PITPNB: variants seen among roughly 807,000 people sequenced by gnomAD.
The protein encoded by PITPNB is phosphatidylinositol transfer protein beta, also known as phosphatidylinositol transfer protein beta isoform.
PITPNB carries 16 observed loss-of-function variants against 45.9 expected under a neutral mutation model. That is an observed-to-expected ratio of 0.35 (90% confidence interval 0.24 to 0.53). The LOEUF (loss-of-function observed/expected upper bound fraction) is 0.53, where lower values mean the gene tolerates loss of function less well. PITPNB is among the 20% of genes least tolerant of loss of function. The pLI is 0.93. For synonymous variants in PITPNB, 112 were observed against 108.9 expected, an observed-to-expected ratio of 1.03 and a Z score of -0.18; for missense variants, 188 against 330.5, an observed-to-expected ratio of 0.57 and a Z score of 3.34.
intron 7 of PITPNB, among the ~76,000 whole-genome samples, chr22:27,880,440 C>T (rs907807307): frequency 1.3e-5 from 2 of 152,154 alleles, no homozygotes; most frequent in Admixed American, 6.6e-5. Flanking sequence ...AAAACATTTT[C>T]TGACTCTCAG....
At chr22:27,897,181 C>G in intron 4 of PITPNB, 44 bp from the exon 5 acceptor site, 1 of 1,402,152 alleles carries the variant, frequency 7.1e-7, no homozygotes, top group Non-Finnish European at 1.0e-6. Context: ...AGAAAAATTT[C>G]AGAATATTAA....
chr22:27,912,228 G>A (rs1935947479), intron 2 of PITPNB, among the ~76,000 whole-genome samples: 1 of 152,186 alleles, frequency 6.6e-6, no homozygotes, highest in South Asian at 2.1e-4. Context: ...ATGGAGATAT[G>A]ATGCTATCTT....
At position 27,852,740 on chromosome 22, in the gene PITPNB, T is replaced by C. The variant is rs977712754; in HGVS notation, c.*962A>G. ...AAGCTGTAGTTACAGAAAACTGTCATCTTCAAAACAAGACTCCATGAAGTG... is the reference window on the plus strand; with the variant it reads ...AAGCTGTAGTTACAGAAAACTGTCACCTTCAAAACAAGACTCCATGAAGTG... On this transcript the variant is annotated 3_prime_UTR_variant, in exon 12 of 12. Coordinates refer to ENST00000335272, the MANE Select transcript of PITPNB (RefSeq NM_012399.5). 4 of 152,742 alleles carry C rather than the reference T, an allele frequency of 2.6e-5. No homozygotes were observed. The highest frequency in any genetic ancestry group is 7.2e-5 in the African/African-American group (3 of 41,570). The allele number at this position is 152,742 out of a possible 1,614,324, so 9.5% of individuals were successfully genotyped here.
chr22:27,854,447 G>C (rs2146342173), intron 11 of PITPNB, among the ~76,000 whole-genome samples: 1 of 152,314 alleles, frequency 6.6e-6, no homozygotes, highest in South Asian at 2.1e-4. Context: ...ATTGAGGTTG[G>C]CTCGTATGGT....
At chr22:27,882,558 C>G (rs1285249431) in intron 7 of PITPNB, among the ~76,000 whole-genome samples, 1 of 152,204 alleles carries the variant, frequency 6.6e-6, no homozygotes, top group African/African-American at 2.4e-5. Context: ...AAAGATTAAC[C>G]TGAGACTTCT....
intron 3 of PITPNB, among the ~76,000 whole-genome samples, chr22:27,906,851 T>TAAC (rs1383811967): frequency 1.3e-5 from 2 of 152,176 alleles, no homozygotes; most frequent in African/African-American, 4.8e-5. Flanking sequence ...GTGCAATGAG[T>TAAC]AACCAACTTT....
chr22:27,901,609 C>T (rs376291898), intron 3 of PITPNB, among the ~76,000 whole-genome samples: 1 of 152,152 alleles, frequency 6.6e-6, no homozygotes, highest in Admixed American at 6.5e-5. Context: ...GGGCCAGGTG[C>T]GGTGGCTCAC....
In PITPNB at chr22:27,899,929, G is replaced by C. The variant is rs2003690; in HGVS notation, c.198-2037C>G. Among the ~76,000 whole-genome samples the C allele has an allele frequency of 8.1e-4, 123 of 152,230 alleles. 1 individual carries two copies. The South Asian group carries it at 0.024, about 30-fold the overall frequency. ...TTAGAAAAAGCAGGAGAGGCCAGGC[G>C]TGGTGGCTCACGCCTCTAATCCCAG... On this transcript the variant is annotated intron_variant, in intron 3 of 11. Transcript: ENST00000335272.
intron 7 of PITPNB, among the ~76,000 whole-genome samples, chr22:27,874,487 C>T (rs1327586183): frequency 6.6e-6 from 1 of 152,194 alleles, no homozygotes; most frequent in Non-Finnish European, 1.5e-5. Context: ...AGGGGAAAGG[C>T]TCTAAAATGA....
At position 27,919,217 on chromosome 22, in the gene PITPNB, C is replaced by A; in HGVS notation, c.-26G>T. 3 of 1,600,636 alleles carry A rather than the reference C, an allele frequency of 1.9e-6. No homozygotes were observed. The highest frequency in any genetic ancestry group is 1.1e-5 in the South Asian group (1 of 90,828). ...CTTCCCGGAACCCCCTCACAGCTGC[C>A]GCCGATACCACCGCCGCCGCCGCCG... is the stretch of plus-strand genomic sequence containing the variant. On this transcript the variant is annotated 5_prime_UTR_variant, in exon 1 of 12. Coordinates refer to ENST00000335272, the MANE Select transcript of PITPNB (RefSeq NM_012399.5).
In PITPNB at chr22:27,919,215, G is replaced by C. The variant is rs1009239737; in HGVS notation, c.-24C>G. ...ATCTTCCCGGAACCCCCTCACAGCT[G>C]CCGCCGATACCACCGCCGCCGCCGC... On this transcript the variant is annotated 5_prime_UTR_variant, in exon 1 of 12. Transcript: ENST00000335272. The C allele has an allele frequency of 6.2e-7, 1 of 1,601,992 alleles. No homozygotes were observed. The highest frequency in any genetic ancestry group is 1.3e-5 in the African/African-American group (1 of 74,830).
intron 3 of PITPNB, among the ~76,000 whole-genome samples, chr22:27,899,216 A>C (rs1207804076): frequency 1.3e-5 from 2 of 152,286 alleles, no homozygotes; most frequent in Admixed American, 1.3e-4. Context: ...CTGCTTTTTA[A>C]TTATAAGTTG....
Position 27,896,807 on chromosome 22 carries a change from A to G in PITPNB, c.298-181T>C, listed in dbSNP as rs1054922783. On this transcript the variant is annotated intron_variant, in intron 5 of 11. Transcript: ENST00000335272. ...AGACTTGTCAGGCAAACCAAATGCTACATGCTTTTAAATAATTTAAACAAT... is the reference window on the plus strand; with the variant it reads ...AGACTTGTCAGGCAAACCAAATGCTGCATGCTTTTAAATAATTTAAACAAT... 1.1e-5 allele frequency: 7 copies of G among 610,440 alleles called. No individual in the cohort carries two copies. In the African/African-American group the frequency reaches 1.3e-4, roughly 11 times the overall value. The allele number at this position is 610,440 out of a possible 1,614,324, so 37.8% of individuals were successfully genotyped here. A position where few individuals can be genotyped will look rare whatever the true frequency, so the allele number is the denominator to read the frequency against.
chr22:27,874,501 T>C (rs1934761681), intron 7 of PITPNB, among the ~76,000 whole-genome samples: 1 of 152,196 alleles, frequency 6.6e-6, no homozygotes, highest in Non-Finnish European at 1.5e-5. Flanking sequence ...AAAATGAAGG[T>C]TTTATTCAGG....
chr22:27,873,818 G>T lies in PITPNB; in HGVS notation c.457-3C>A. 1 of 1,603,784 alleles carries T rather than the reference G, an allele frequency of 6.2e-7. No individual in the cohort carries two copies. Among genetic ancestry groups the T allele is most frequent in the Non-Finnish European group, 8.5e-7 (1 of 1,170,660 alleles). Reference sequence around the variant, plus strand: ...GGGTCTTCATCAGCTTTGTAGTCCTGCAAAGCAAAACAAAGTCAGAGGCAG... The same window carrying T: ...GGGTCTTCATCAGCTTTGTAGTCCTTCAAAGCAAAACAAAGTCAGAGGCAG... On this transcript the variant is annotated splice_region_variant and splice_polypyrimidine_tract_variant and intron_variant, in intron 7 of 11. Transcript: ENST00000335272.
At chr22:27,874,924 G>C (rs1934777050) in intron 7 of PITPNB, among the ~76,000 whole-genome samples, 1 of 152,140 alleles carries the variant, frequency 6.6e-6, no homozygotes, top group Non-Finnish European at 1.5e-5. Flanking sequence ...TAGAGATAAG[G>C]GCAGTATGAG....
At chr22:27,901,065 C>T (rs1307543217) in intron 3 of PITPNB, among the ~76,000 whole-genome samples, 1 of 143,916 alleles carries the variant, frequency 6.9e-6, no homozygotes, top group Admixed American at 6.8e-5. Flanking sequence ...ATGGTGCTCC[C>T]TCATGATAAA....
intron 3 of PITPNB, among the ~76,000 whole-genome samples, chr22:27,899,184 T>G (rs1459794898): frequency 6.6e-6 from 1 of 152,192 alleles, no homozygotes; most frequent in Non-Finnish European, 1.5e-5. Context: ...CACAGTACAA[T>G]GAGCTCAAAA....
intron 4 of PITPNB, 121 bp from the exon 5 acceptor site, chr22:27,897,258 T>C: frequency 1.3e-6 from 1 of 771,312 alleles, no homozygotes; most frequent in Non-Finnish European, 2.4e-6. Flanking sequence ...AAACAGAACA[T>C]TTATTTAGTA....
Sources: gnomAD v4.1 joint callset for allele counts (sites outside exome capture counted in the v4.1 genomes callset) on GRCh38, gnomAD v4.1.1 for gene constraint, MANE v1.5 for transcripts, NCBI Gene and HGNC (gene_info 2026-07-23, HGNC 2026-07-21) for gene names.